MEGF6: variants seen among roughly 807,000 people sequenced by gnomAD.
MEGF6 encodes multiple EGF like domains 6, also known as multiple epidermal growth factor-like domains protein 6.
MEGF6 carries 184 observed loss-of-function variants against 207.1 expected under a neutral mutation model. The ratio of observed to expected loss-of-function variants is 0.89; its 90% CI spans 0.79 to 1.00. MEGF6 has a LOEUF of 1.00. Ranked by LOEUF, MEGF6 falls within the 50% of genes least tolerant of loss-of-function variation. The pLI, the probability that MEGF6 is intolerant of heterozygous loss-of-function variation, is 0.00. For missense variants in MEGF6, 2,282 were observed against 2,202.9 expected, an observed-to-expected ratio of 1.04 and a Z score of -0.72; for synonymous variants, 1,038 against 910.0, an observed-to-expected ratio of 1.14 and a Z score of -2.53.
chr1:3,603,698 C>T (rs1169909257), intron 1 of MEGF6, among the ~76,000 whole-genome samples: 2 of 152,132 alleles, frequency 1.3e-5, no homozygotes, highest in Non-Finnish European at 2.9e-5. Context: ...AGGTCCCCAC[C>T]CCACCGGGAA....
chr1:3,562,611 T>C (rs1643234493), intron 4 of MEGF6, among the ~76,000 whole-genome samples: 1 of 152,230 alleles, frequency 6.6e-6, no homozygotes, highest in Admixed American at 6.5e-5. Flanking sequence ...TCAGCACTTT[T>C]CTATGATTTC....
At chr1:3,593,291 C>CA (rs1275479720) in intron 3 of MEGF6, among the ~76,000 whole-genome samples, 5 of 152,178 alleles carry the variant, frequency 3.3e-5, no homozygotes, top group Non-Finnish European at 7.4e-5. Flanking sequence ...GACTCTGAGA[C>CA]AGTTACTGCT....
chr1:3,580,660 C>T (rs1045375946), intron 3 of MEGF6, among the ~76,000 whole-genome samples: 3 of 151,222 alleles, frequency 2.0e-5, no homozygotes, highest in Admixed American at 6.6e-5. Flanking sequence ...CAGGCTGGAC[C>T]GGGTGCCCCC....
At position 3,501,111 on chromosome 1, in the gene MEGF6, G is replaced by T; in HGVS notation, c.2447-17C>A. On this transcript the variant is annotated splice_polypyrimidine_tract_variant and intron_variant, in intron 19 of 36. Transcript: ENST00000356575. ...CTGGGCACACTACAGGCAGGCGAGA[G>T]AGGGTGAGTGGGGCCTGGCCACCTA... 1 of 1,612,662 alleles carries T rather than the reference G, an allele frequency of 6.2e-7. No homozygotes were observed. The highest frequency in any genetic ancestry group is 1.1e-5 in the South Asian group (1 of 91,072).
intron 4 of MEGF6, among the ~76,000 whole-genome samples, chr1:3,524,819 G>T (rs11589348): frequency 3.3e-5 from 5 of 152,148 alleles, no homozygotes; most frequent in African/African-American, 1.2e-4. Context: ...AGATTGTTCC[G>T]GATGAGGGTG....
chr1:3,610,998 A>G, intron 1 of MEGF6, 140 bp downstream of exon 1: 1 of 1,157,548 alleles, frequency 8.6e-7, no homozygotes, highest in South Asian at 1.9e-5. Context: ...TGTCTCAGCC[A>G]CCTCCTCCCC....
At chr1:3,591,408 ACT>A (rs1643975774) in intron 3 of MEGF6, among the ~76,000 whole-genome samples, 1 of 152,172 alleles carries the variant, frequency 6.6e-6, no homozygotes, top group Admixed American at 6.5e-5. Flanking sequence ...TGTCACTGTC[ACT>A]GCTACTAACA....
At chr1:3,586,616 GC>G (rs1176131967) in intron 3 of MEGF6, among the ~76,000 whole-genome samples, 1 of 152,192 alleles carries the variant, frequency 6.6e-6, no homozygotes, top group Non-Finnish European at 1.5e-5. Context: ...GGAGCCCAGA[GC>G]CTGGGGGGCC....
At position 3,499,155 on chromosome 1, in the gene MEGF6, C is replaced by T. The variant is rs750962326; in HGVS notation, c.3077G>A (p.Gly1026Glu). The T allele has an allele frequency of 8.7e-6, 14 of 1,604,026 alleles. No homozygotes were observed. Among genetic ancestry groups the T allele is most frequent in the African/African-American group, 1.3e-5 (1 of 74,796 alleles). Residue 1026 changes from glycine (G) to glutamate (E), a missense_variant, in exon 24 of 37, where the codon GGG becomes GAG. Physicochemically the swap from Gly to Glu is moderately conservative, Grantham distance 98. Coordinates refer to ENST00000356575, the MANE Select transcript of MEGF6 (RefSeq NM_001409.4). ...GQCHCAPGWM[G>E]PSCLQACPAG... ...TGGCTTACCCTGCAGGCAGGAGGGC[C>T]CCATCCAGCCAGGGGCACAGTGGCA...
chr1:3,568,411 A>T (rs1643410143), intron 4 of MEGF6, among the ~76,000 whole-genome samples: 1 of 152,074 alleles, frequency 6.6e-6, no homozygotes, highest in African/African-American at 2.4e-5. Context: ...TAGGCCCCTC[A>T]TGGGGCCCAC....
Position 3,611,174 on chromosome 1 carries a change from A to G in MEGF6, c.95T>C (p.Val32Ala). Reference protein sequence around the residue: ...LLPAVPVGASVPPRPLLPLQP... With the variant: ...LLPAVPVGASAPPRPLLPLQP... ...CAGCGGGAGCAGGGGCCGCGGCGGAACGCTGGCGCCCACGGGCACGGCGGG... is the reference window on the plus strand; with the variant it reads ...CAGCGGGAGCAGGGGCCGCGGCGGAGCGCTGGCGCCCACGGGCACGGCGGG... The change falls in exon 1 of 37, where the codon GTT becomes GCT. Residue 32 changes from valine to alanine, a missense_variant. Val to Ala is a moderately conservative substitution (Grantham distance 64, BLOSUM62 0). Transcript: ENST00000356575. 1 of 1,546,858 alleles carries G rather than the reference A, an allele frequency of 6.5e-7. No homozygotes were observed. Among genetic ancestry groups the G allele is most frequent in the Non-Finnish European group, 8.6e-7 (1 of 1,156,600 alleles).
chr1:3,566,724 C>T (rs1208043702), intron 4 of MEGF6, among the ~76,000 whole-genome samples: 4 of 152,178 alleles, frequency 2.6e-5, no homozygotes, highest in African/African-American at 9.7e-5. Context: ...GAGTCCAGGT[C>T]AGCTGCCCAG....
chr1:3,515,369 C>G (rs2101087739), intron 6 of MEGF6, 33 bp downstream of exon 6: 1 of 1,592,944 alleles, frequency 6.3e-7, no homozygotes, highest in East Asian at 2.3e-5. Flanking sequence ...GCCTCCACCC[C>G]CAGGTCCTCC....
At chr1:3,551,252 G>A (rs1642875687) in intron 4 of MEGF6, among the ~76,000 whole-genome samples, 1 of 152,224 alleles carries the variant, frequency 6.6e-6, no homozygotes, top group Non-Finnish European at 1.5e-5. Flanking sequence ...CCTGGGGATG[G>A]AGCAGCTGGT....
In MEGF6 at chr1:3,501,034, C is replaced by A; in HGVS notation, c.2507G>T (p.Gly836Val). The change falls in exon 20 of 37, where the codon GGG becomes GTG. Residue 836 changes from glycine to valine, a missense_variant. By Grantham distance (109) the Gly-to-Val change is moderately radical (BLOSUM62 -3). Coordinates refer to ENST00000356575, the MANE Select transcript of MEGF6 (RefSeq NM_001409.4). ...CQTRCSCAND[G>V]HCHPATGHCS... is the part of the protein sequence containing the mutation. ...GTGTCCGGTGGCTGGGTGGCAGTGC[C>A]CATCATTGGCACAAGAGCACCTTGT... The A allele has an allele frequency of 6.2e-7, 1 of 1,612,750 alleles. No individual in the cohort carries two copies. Among genetic ancestry groups the A allele is most frequent in the Admixed American group, 1.7e-5 (1 of 60,016 alleles).
Position 3,567,017 on chromosome 1 carries a change from G to A in MEGF6, c.481+12808C>T, listed in dbSNP as rs575132918. On this transcript the variant is annotated intron_variant, in intron 4 of 36. Transcript: ENST00000356575. Reference sequence around the variant, plus strand: ...CATAGTGAGGCCGTCCTGGCCAGGTGTAGCACCCAAACCCACCAGGGCCCC... The same window carrying A: ...CATAGTGAGGCCGTCCTGGCCAGGTATAGCACCCAAACCCACCAGGGCCCC... 6.6e-5 allele frequency among the ~76,000 whole-genome samples: 10 copies of A among 152,356 alleles called. No homozygotes were observed. The East Asian group carries it at 1.4e-3, about 21-fold the overall frequency.
chr1:3,497,207 C>A, intron 27 of MEGF6, 26 bp downstream of exon 27: 1 of 1,530,898 alleles, frequency 6.5e-7, no homozygotes, highest in South Asian at 1.3e-5. Context: ...AGCCGCTCCT[C>A]GGGGTGGGGG....
At chr1:3,498,029 G>A (rs927135222) in intron 26 of MEGF6, among the ~76,000 whole-genome samples, 1 of 152,272 alleles carries the variant, frequency 6.6e-6, no homozygotes, top group South Asian at 2.1e-4. Flanking sequence ...CCCCCAGCCA[G>A]CACAGGCTCC....
At chr1:3,595,597 G>T in intron 2 of MEGF6, 150 bp from the exon 3 acceptor site, 1 of 646,254 alleles carries the variant, frequency 1.5e-6, no homozygotes, top group Non-Finnish European at 2.7e-6. Context: ...GGTGGCTGAT[G>T]CCAATGCCCA....
Sources: gnomAD v4.1 joint callset for allele counts (sites outside exome capture counted in the v4.1 genomes callset) on GRCh38, gnomAD v4.1.1 for gene constraint, MANE v1.5 for transcripts, NCBI Gene and HGNC (gene_info 2026-07-23, HGNC 2026-07-21) for gene names.